EHD3: variants seen among roughly 807,000 people sequenced by gnomAD.
EHD3 encodes the protein EH domain-containing protein 3.
A neutral mutation model predicts 43.0 loss-of-function variants in EHD3; 17 were observed. That is an observed-to-expected ratio of 0.40 (90% confidence interval 0.27 to 0.59). The LOEUF is 0.59. EHD3 is among the 20% of genes least tolerant of loss of function. The pLI, the probability that EHD3 is intolerant of heterozygous loss-of-function variation, is 0.49. For missense variants in EHD3, 594 were observed against 705.6 expected (o/e 0.84, Z 1.79); for synonymous variants, 313 against 289.5 (o/e 1.08, Z -0.82).
Position 31,234,647 on chromosome 2 carries a change from A to G in EHD3, c.26A>G (p.Asp9Gly). Residue 9 changes from aspartate (D) to glycine (G), a missense_variant, in exon 1 of 6, where the codon GAC becomes GGC. Physicochemically the swap from Asp to Gly is moderately conservative, Grantham distance 94 (BLOSUM62 -1). This residue lies in a region of EHD3 where 243 missense variants were observed against 296.7 expected (regional missense o/e 0.82). Coordinates refer to ENST00000322054, the MANE Select transcript of EHD3 (RefSeq NM_014600.3). The part of the protein sequence containing the change: MFSWLGTD[D>G]RRRKDPEVFQ... The stretch of plus-strand genomic sequence containing the variant: ...ATGTTCAGCTGGCTGGGTACGGACG[A>G]CCGCCGGAGGAAGGACCCCGAGGTT... The G allele has an allele frequency of 6.2e-7, 1 of 1,613,954 alleles. No homozygotes were observed. Among genetic ancestry groups the G allele is most frequent in the Non-Finnish European group, 8.5e-7 (1 of 1,179,992 alleles).
At chr2:31,261,454 G>A in intron 4 of EHD3, 95 bp from the exon 5 acceptor site, 19 of 1,408,184 alleles carry the variant, frequency 1.3e-5, no homozygotes, top group Non-Finnish European at 1.9e-5. Context: ...GAGGCGGGAG[G>A]GATGTAGGGG....
Position 31,266,355 on chromosome 2 carries a change from G to T in EHD3, c.1259G>T (p.Gly420Val). ...KGGAFEGTLHGPFGHGYGEGA... is the reference protein window; with the variant it reads ...KGGAFEGTLHVPFGHGYGEGA... ...GGAGCGTTCGAGGGCACCCTGCACG[G>T]CCCCTTTGGGCATGGCTATGGGGAG... The change falls in exon 6 of 6, where the codon GGC becomes GTC. Residue 420 changes from glycine to valine, a missense_variant. Physicochemically the swap from Gly to Val is moderately radical, Grantham distance 109 (BLOSUM62 -3). This residue lies in a region of EHD3 where 322 missense variants were observed against 348.0 expected (regional missense o/e 0.93). Transcript: ENST00000322054. This position sits in a 1 kb window ranked among gnomAD's most constrained non-coding sequence, Gnocchi z 5.1. 1 of 1,614,176 alleles carries T rather than the reference G, an allele frequency of 6.2e-7. No homozygotes were observed. The highest frequency in any genetic ancestry group is 8.5e-7 in the Non-Finnish European group (1 of 1,180,026).
rs531957552 is a variant in EHD3 at position 31,246,900 on chromosome 2, CT to C, written c.405-2457del. Among the ~76,000 whole-genome samples, 1,145 of 143,406 alleles carry C rather than the reference CT, an allele frequency of 8.0e-3. 13 individuals carry two copies. The highest frequency in any genetic ancestry group is 0.022 in the African/African-American group (859 of 39,420). 94.1% of individuals were successfully genotyped at this position (143,406 alleles called of 152,430 possible). ...ATATATAAATCTTTACAGTGGTTAC[CT>C]TTTTTTTTTTTTTGAGACGAGGTCT... On this transcript the variant is annotated intron_variant, in intron 2 of 5. Coordinates refer to ENST00000322054, the MANE Select transcript of EHD3 (RefSeq NM_014600.3).
At chr2:31,261,736 A>T (rs754900309) in intron 5 of EHD3, 23 bp downstream of exon 5, 2 of 1,612,562 alleles carry the variant, frequency 1.2e-6, no homozygotes, top group South Asian at 2.2e-5. Context: ...GGGGTCTCTA[A>T]GACAAGGGAC....
chr2:31,245,871 G>A (rs1484008536), intron 2 of EHD3, among the ~76,000 whole-genome samples: 1 of 150,798 alleles, frequency 6.6e-6, no homozygotes, highest in South Asian at 2.1e-4. Flanking sequence ...GTGAGCCACC[G>A]TGCCTGGCCC....
At position 31,249,482 on chromosome 2, in the gene EHD3, C is replaced by A; in HGVS notation, c.502+14C>A. ...GGATCAGCCGGGGTAAGCAACCTGC[C>A]TGAGGGGTGTTGGCTGTGGGCTCCA... On this transcript the variant is annotated intron_variant, in intron 3 of 5. Coordinates refer to ENST00000322054, the MANE Select transcript of EHD3 (RefSeq NM_014600.3). 1 of 1,613,148 alleles carries A rather than the reference C, an allele frequency of 6.2e-7. No homozygotes were observed. Among genetic ancestry groups the A allele is most frequent in the Non-Finnish European group, 8.5e-7 (1 of 1,179,254 alleles).
chr2:31,244,289 G>C lies in EHD3; in HGVS notation c.243G>C (p.Gln81His), dbSNP rs138676775. 1.1e-5 allele frequency: 18 copies of C among 1,613,580 alleles called. No homozygotes were observed. The highest frequency in any genetic ancestry group is 1.3e-5 in the African/African-American group (1 of 74,924). The change falls in exon 2 of 6, where the codon CAG becomes CAC. Residue 81 changes from glutamine to histidine, a missense_variant. Physicochemically the swap from Gln to His is conservative, Grantham distance 24. Coordinates refer to ENST00000322054, the MANE Select transcript of EHD3 (RefSeq NM_014600.3). ...TTCCTGCTAGGTACCTGCTGGAACA[G>C]GACTTCCCAGGCATGAGGATTGGGC... ...KTTFIRYLLEQDFPGMRIGPE... is the reference protein window; with the variant it reads ...KTTFIRYLLEHDFPGMRIGPE...
intron 1 of EHD3, among the ~76,000 whole-genome samples, chr2:31,241,770 A>G (rs2148716072): frequency 6.6e-6 from 1 of 152,330 alleles, no homozygotes; most frequent in East Asian, 1.9e-4. Flanking sequence ...GGCTGGCCCC[A>G]GGCCACTGAG....
At chr2:31,236,979 G>A (rs1683335943) in intron 1 of EHD3, among the ~76,000 whole-genome samples, 1 of 152,180 alleles carries the variant, frequency 6.6e-6, no homozygotes, top group Non-Finnish European at 1.5e-5. Context: ...AGTAAGACCG[G>A]GAGAGGCAGA....
At chr2:31,261,827 T>TTTTTTA in intron 5 of EHD3, 114 bp downstream of exon 5, 1 of 1,304,402 alleles carries the variant, frequency 7.7e-7, no homozygotes, top group East Asian at 2.4e-5. Context: ...CCGCCCAGAA[T>TTTTTTA]CTGCAGGCAA....
At chr2:31,237,499 T>C (rs958423456) in intron 1 of EHD3, among the ~76,000 whole-genome samples, 2 of 152,022 alleles carry the variant, frequency 1.3e-5, no homozygotes, top group African/African-American at 4.8e-5. Context: ...CCGCCTCCTG[T>C]GTTCAAGCAG....
chr2:31,253,527 C>T (rs970432747), intron 3 of EHD3, among the ~76,000 whole-genome samples: 1 of 152,208 alleles, frequency 6.6e-6, no homozygotes, highest in Non-Finnish European at 1.5e-5. Flanking sequence ...CTGTGTCTCA[C>T]CAGATAAAAA....
rs76044618 is a variant in EHD3 at position 31,268,300 on chromosome 2, A to G, written c.*1596A>G. ...CTTATTTTATATCCATATTCAGACTATATAGAGAATATTCTATGCATCTAT... is the reference window on the plus strand; with the variant it reads ...CTTATTTTATATCCATATTCAGACTGTATAGAGAATATTCTATGCATCTAT... On this transcript the variant is annotated 3_prime_UTR_variant, in exon 6 of 6. Coordinates refer to ENST00000322054, the MANE Select transcript of EHD3 (RefSeq NM_014600.3). The G allele has an allele frequency of 0.021, 3,215 of 152,784 alleles. 37 individuals carry two copies. Among genetic ancestry groups the G allele is most frequent in the Middle Eastern group, 0.027 (8 of 294 alleles). 9.5% of individuals were successfully genotyped at this position (152,784 alleles called of 1,614,324 possible).
rs201912881 is a variant in EHD3, at chr2:31,234,780, C to T, written c.159C>T (p.Ala53=). Reference sequence around the variant, plus strand: ...TCCACTCGCCCGCCCTGGAGGATGCCGACTTCGACAACAAGCCCATGGTTC... The same window carrying T: ...TCCACTCGCCCGCCCTGGAGGATGCTGACTTCGACAACAAGCCCATGGTTC... ...HEFHSPALED[A]DFDNKPMVLL... The change falls in exon 1 of 6, where the codon GCC becomes GCT. Residue 53 remains alanine, a synonymous_variant. Coordinates refer to ENST00000322054, the MANE Select transcript of EHD3 (RefSeq NM_014600.3). 7 of 1,614,152 alleles carry T rather than the reference C, an allele frequency of 4.3e-6. No individual in the cohort carries two copies. Among genetic ancestry groups the T allele is most frequent in the Non-Finnish European group, 5.9e-6 (7 of 1,180,042 alleles).
intron 2 of EHD3, among the ~76,000 whole-genome samples, chr2:31,248,184 C>T (rs1357027032): frequency 6.6e-6 from 1 of 152,172 alleles, no homozygotes; most frequent in Non-Finnish European, 1.5e-5. Flanking sequence ...GCTGAGTGGT[C>T]CTATTTCACA....
chr2:31,264,491 TTTTC>T (rs1683906812), intron 5 of EHD3, among the ~76,000 whole-genome samples: 1 of 151,926 alleles, frequency 6.6e-6, no homozygotes, highest in Non-Finnish European at 1.5e-5. Flanking sequence ...TTTAGAAACA[TTTTC>T]TTTCTTCAAT....
chr2:31,248,986 A>G (rs1316773096), intron 2 of EHD3, among the ~76,000 whole-genome samples: 11 of 152,118 alleles, frequency 7.2e-5, no homozygotes, highest in Non-Finnish European at 1.6e-4. Context: ...GGGCCAAGCT[A>G]AGTGGAGTAA....
rs746808012 is a variant in EHD3 at position 31,266,452 on chromosome 2, C to T, written c.1356C>T (p.Phe452=). 6.2e-7 allele frequency: 1 copy of T among 1,614,150 alleles called. No homozygotes were observed. Among genetic ancestry groups the T allele is most frequent in the Non-Finnish European group, 8.5e-7 (1 of 1,180,028 alleles). ...ARDKPMYDEI[F]YTLSPVDGKI... ...ACAAGCCCATGTACGACGAGATCTT[C>T]TACACCCTGTCACCGGTGGATGGCA... The change falls in exon 6 of 6, where the codon TTC becomes TTT. Residue 452 remains phenylalanine (F), a synonymous_variant. Coordinates refer to ENST00000322054, the MANE Select transcript of EHD3 (RefSeq NM_014600.3). This position sits in a 1 kb window ranked among gnomAD's most constrained non-coding sequence, Gnocchi z 5.1.
At chr2:31,245,128 A>G (rs1486934194) in intron 2 of EHD3, among the ~76,000 whole-genome samples, 1 of 152,206 alleles carries the variant, frequency 6.6e-6, no homozygotes, top group African/African-American at 2.4e-5. Flanking sequence ...TCACATGTGC[A>G]TGGTAAATAC....
Sources: allele counts gnomAD v4.1 joint callset (sites outside exome capture counted in the v4.1 genomes callset), GRCh38; gene constraint gnomAD v4.1.1; regional missense constraint gnomAD v4.1.1; non-coding constraint Gnocchi (gnomAD v3.1); transcripts MANE v1.5; gene names NCBI Gene and HGNC (gene_info 2026-07-23, HGNC 2026-07-21).